Variants in ASPM observed in about 807,000 individuals in gnomAD.
ASPM encodes the protein abnormal spindle-like microcephaly-associated protein.
A neutral mutation model predicts 366.4 loss-of-function variants in ASPM; 256 were observed. The observed-to-expected ratio is 0.70, with a 90% CI of 0.63 to 0.77. The LOEUF (loss-of-function observed/expected upper bound fraction) is 0.77, where lower values mean the gene tolerates loss of function less well. Ranked by LOEUF, ASPM falls within the 30% of genes least tolerant of loss-of-function variation. The pLI, the probability that ASPM is intolerant of heterozygous loss-of-function variation, is 0.00. For synonymous variants in ASPM, 1,414 were observed against 1,342.9 expected (o/e 1.05, Z -1.16); for missense variants, 4,146 against 4,090.4 (o/e 1.01, Z -0.37).
chr1:197,094,101 G>T lies in ASPM; in HGVS notation c.9067C>A (p.His3023Asn). 1 of 1,593,990 alleles carries T rather than the reference G, an allele frequency of 6.3e-7. No individual in the cohort carries two copies. The highest frequency in any genetic ancestry group is 8.6e-7 in the Non-Finnish European group (1 of 1,164,794). Residue 3023 changes from histidine to asparagine, a missense_variant, in exon 20 of 28, where the codon CAC (histidine) becomes AAC (asparagine). Physicochemically the swap from His to Asn is moderately conservative, Grantham distance 68 (BLOSUM62 1). This residue lies in a region of ASPM where 3,624 missense variants were observed against 3,591.7 expected (regional missense o/e 1.01). Transcript: ENST00000367409. Reference sequence around the variant, plus strand: ...ATACCTACTTTTATCATTAAGAAGTGTTCATGAGCTATCTTTGCAGGAAGT... The same window carrying T: ...ATACCTACTTTTATCATTAAGAAGTTTTCATGAGCTATCTTTGCAGGAAGT... ...AILPAKIAHE[H>N]FLMIKRHRAA...
In ASPM at chr1:197,114,444, C is replaced by T. The variant is rs376000063; in HGVS notation, c.4065+3345G>A. 3.0e-4 allele frequency among the ~76,000 whole-genome samples: 46 copies of T among 152,294 alleles called. No individual in the cohort carries two copies. The East Asian group carries it at 7.7e-3, about 26-fold the overall frequency. On this transcript the variant is annotated intron_variant, in intron 17 of 27. Coordinates refer to ENST00000367409, the MANE Select transcript of ASPM (RefSeq NM_018136.5). ...GACTCCTTATTCAGAAAAGATTGCT[C>T]CATAGCATACAATGCCACTTATTAG...
At chr1:197,130,561 T>C (rs1658226285) in intron 7 of ASPM, among the ~76,000 whole-genome samples, 1 of 152,196 alleles carries the variant, frequency 6.6e-6, no homozygotes. Flanking sequence ...TATTAATAAT[T>C]TTTAAAGCAA....
At chr1:197,141,903 G>A (rs1370606732) in intron 3 of ASPM, among the ~76,000 whole-genome samples, 2 of 152,104 alleles carry the variant, frequency 1.3e-5, no homozygotes, top group East Asian at 3.9e-4. Context: ...CTCTCACATA[G>A]GCTCATAAAT....
chr1:197,139,221 C>T (rs1243042025), intron 4 of ASPM: 8 of 929,944 alleles, frequency 8.6e-6, no homozygotes, highest in Admixed American at 1.7e-5. Context: ...TTGGAAAACT[C>T]CCCAAGGCTA....
intron 18 of ASPM, among the ~76,000 whole-genome samples, chr1:197,097,471 T>A (rs1253128856): frequency 6.6e-6 from 1 of 151,710 alleles, no homozygotes; most frequent in Non-Finnish European, 1.5e-5. Context: ...TCGGTCTCTC[T>A]GATTCCTTAA....
chr1:197,143,354 G>C lies in ASPM; in HGVS notation c.898C>G (p.Pro300Ala), dbSNP rs200453432. 15 of 1,613,764 alleles carry C rather than the reference G, an allele frequency of 9.3e-6. No individual in the cohort carries two copies. The highest frequency in any genetic ancestry group is 1.1e-5 in the Non-Finnish European group (13 of 1,179,796). ...ATGTTCAAAGTTGAAGAACAGTTGG[G>C]GGTAAGACTAAGTTTACTATTCTCT... ...RGENSKLSLT[P>A]NCSSTLNITQ... Residue 300 changes from proline to alanine, a missense_variant, in exon 3 of 28, where the codon CCC becomes GCC. Physicochemically the swap from Pro to Ala is conservative, Grantham distance 27. Transcript: ENST00000367409.
In ASPM at chr1:197,103,177, A is replaced by T. The variant is rs1657258756; in HGVS notation, c.6074T>A (p.Val2025Glu). The T allele has an allele frequency of 6.2e-7, 1 of 1,612,544 alleles. No individual in the cohort carries two copies. Among genetic ancestry groups the T allele is most frequent in the Non-Finnish European group, 8.5e-7 (1 of 1,179,366 alleles). The change falls in exon 18 of 28, where the codon GTA (valine) becomes GAA (glutamate). Residue 2025 changes from valine to glutamate, a missense_variant. Around this residue, in one of 3 missense-constraint regions of ASPM, gnomAD observed 3,624 missense variants for 3,591.7 expected, o/e 1.01. Transcript: ENST00000367409. Reference protein sequence around the residue: ...HLYLKTKAAVVTLQSAYRGMK... With the variant: ...HLYLKTKAAVETLQSAYRGMK... Reference sequence around the variant, plus strand: ...ACCACGATAAGCTGACTGTAAAGTTACTACAGCTGCTTTTGTTTTCAAATA... The same window carrying T: ...ACCACGATAAGCTGACTGTAAAGTTTCTACAGCTGCTTTTGTTTTCAAATA...
Position 197,104,594 on chromosome 1 carries a change from C to A in ASPM, c.4657G>T (p.Ala1553Ser), listed in dbSNP as rs1324986815. ...CTAATTTGTCTACATAAATTATGAG[C>A]TTTCAGTCTCCTAAAAGCAGCTTGT... ...QLQAAFRRLKAHNLCRQIRAA... is the reference protein window; with the variant it reads ...QLQAAFRRLKSHNLCRQIRAA... The change falls in exon 18 of 28, where the codon GCT (alanine) becomes TCT (serine). Residue 1553 changes from alanine to serine, a missense_variant. Ala to Ser is a moderately conservative substitution (Grantham distance 99). This residue lies in a region of ASPM where 3,624 missense variants were observed against 3,591.7 expected (regional missense o/e 1.01). Transcript: ENST00000367409. 1.2e-6 allele frequency: 2 copies of A among 1,612,898 alleles called. No individual in the cohort carries two copies. Among genetic ancestry groups the A allele is most frequent in the Admixed American group, 1.7e-5 (1 of 59,768 alleles).
Position 197,084,258 on chromosome 1 carries a change from C to A in ASPM, c.*66G>T. On this transcript the variant is annotated 3_prime_UTR_variant, in exon 28 of 28. Transcript: ENST00000367409. ...AGTTGTACACGGAGAGCAAAAATCA[C>A]TTTACGTACTCATGATTGGCTTTAA... 8.1e-7 allele frequency: 1 copy of A among 1,229,246 alleles called. No individual in the cohort carries two copies. The highest frequency in any genetic ancestry group is 1.5e-5 in the African/African-American group (1 of 67,208). 76.1% of individuals were successfully genotyped at this position (1,229,246 alleles called of 1,614,324 possible). A position where few individuals can be genotyped will look rare whatever the true frequency, so the allele number is the denominator to read the frequency against.
intron 8 of ASPM, 68 bp downstream of exon 8, chr1:197,129,847 C>T (rs1658208304): frequency 8.4e-6 from 13 of 1,553,492 alleles, no homozygotes; most frequent in Non-Finnish European, 1.2e-5. Flanking sequence ...TAAACAGAAA[C>T]AGGAAGAATG....
chr1:197,138,336 C>T (rs1658481913), intron 4 of ASPM, among the ~76,000 whole-genome samples: 1 of 152,146 alleles, frequency 6.6e-6, no homozygotes, highest in Admixed American at 6.5e-5. Flanking sequence ...GAGTCCCGCC[C>T]TTGTCGCCCA....
In ASPM at chr1:197,142,607, C is replaced by A. The variant is rs1557965132; in HGVS notation, c.1645G>T (p.Asp549Tyr). The change falls in exon 3 of 28, where the codon GAT (aspartate) becomes TAT (tyrosine). Residue 549 changes from aspartate (D) to tyrosine (Y), a missense_variant. Asp to Tyr is a radical substitution (Grantham distance 160). Transcript: ENST00000367409. ...EDFHSYLPIIDPILSKSKSYK... is the reference protein window; with the variant it reads ...EDFHSYLPIIYPILSKSKSYK... ...CTCTTAGATTTACTTAATATTGGAT[C>A]TATAATTGGAAGATAAGAATGAAAA... 6.2e-7 allele frequency: 1 copy of A among 1,612,730 alleles called. No homozygotes were observed. Among genetic ancestry groups the A allele is most frequent in the Non-Finnish European group, 8.5e-7 (1 of 1,178,974 alleles).
At chr1:197,137,354 C>A (rs1347560080) in intron 4 of ASPM, among the ~76,000 whole-genome samples, 1 of 152,156 alleles carries the variant, frequency 6.6e-6, no homozygotes, top group Non-Finnish European at 1.5e-5. Context: ...CTTAAGTGAA[C>A]AAAGCAAAGA....
intron 21 of ASPM, 59 bp from the exon 22 acceptor site, chr1:197,092,115 GTTTT>G: frequency 6.6e-7 from 1 of 1,505,562 alleles, no homozygotes; most frequent in Non-Finnish European, 9.2e-7. Context: ...ATCAATGAGT[GTTTT>G]TTTTTGTATA....
In ASPM at chr1:197,146,357, G is replaced by T. The variant is rs369801034; in HGVS notation, c.81C>A (p.Pro27=). ...ERRPPAGLRG[P]AAEEEASSPP... ...GGGAAGACGCCTCCTCCTCGGCCGC[G>T]GGGCCCCGCAGCCCCGCGGGCGGCC... Residue 27 remains proline (P), a synonymous_variant, in exon 1 of 28, where the codon CCC becomes CCA. Transcript: ENST00000367409. The T allele has an allele frequency of 2.4e-4, 389 of 1,610,884 alleles. No individual in the cohort carries two copies. The highest frequency in any genetic ancestry group is 3.0e-4 in the Non-Finnish European group (350 of 1,179,474).
chr1:197,109,786 AG>A (rs1327692157), intron 17 of ASPM, among the ~76,000 whole-genome samples: 2 of 152,058 alleles, frequency 1.3e-5, no homozygotes, highest in African/African-American at 4.8e-5. Context: ...TATATGTTAA[AG>A]GGTTAACATA....
chr1:197,142,066 T>C (rs185581376), intron 3 of ASPM, among the ~76,000 whole-genome samples: 253 of 152,238 alleles, frequency 1.7e-3, no homozygotes, highest in Non-Finnish European at 2.6e-3. Context: ...TTATTGTACA[T>C]CTTGTAGGAG....
Position 197,146,287 on chromosome 1 carries a change from A to G in ASPM, c.151T>C (p.Cys51Arg). 6.2e-7 allele frequency: 1 copy of G among 1,614,050 alleles called. No individual in the cohort carries two copies. Among genetic ancestry groups the G allele is most frequent in the Non-Finnish European group, 8.5e-7 (1 of 1,180,008 alleles). ...LSHFCRSPFL[C>R]FGDVLLGASR... ...GCTCCCAGGAGAACGTCCCCGAAGCAAAGGAAAGGAGACCTGCAGAAGTGG... is the reference window on the plus strand; with the variant it reads ...GCTCCCAGGAGAACGTCCCCGAAGCGAAGGAAAGGAGACCTGCAGAAGTGG... Residue 51 changes from cysteine to arginine, a missense_variant, in exon 1 of 28, where the codon TGC (cysteine) becomes CGC (arginine). Cys to Arg is a radical substitution (Grantham distance 180). Around this residue, in one of 3 missense-constraint regions of ASPM, gnomAD observed 512 missense variants for 471.7 expected, o/e 1.09. Coordinates refer to ENST00000367409, the MANE Select transcript of ASPM (RefSeq NM_018136.5).
At position 197,142,846 on chromosome 1, in the gene ASPM, T is replaced by C. The variant is rs1206776639; in HGVS notation, c.1406A>G (p.Asn469Ser). ...SNYYSFIKQNNPKFSAVQDIS... is the reference protein window; with the variant it reads ...SNYYSFIKQNSPKFSAVQDIS... ...ATCCTGAACTGCAGAAAATTTAGGA[T>C]TATTTTGTTTTATAAAACTGTAGTA... The change falls in exon 3 of 28, where the codon AAT becomes AGT. Residue 469 changes from asparagine to serine, a missense_variant. By Grantham distance (46) the Asn-to-Ser change is conservative. This residue lies in a region of ASPM where 3,624 missense variants were observed against 3,591.7 expected (regional missense o/e 1.01). Transcript: ENST00000367409. 3 of 1,613,394 alleles carry C rather than the reference T, an allele frequency of 1.9e-6. No individual in the cohort carries two copies. Among genetic ancestry groups the C allele is most frequent in the Non-Finnish European group, 2.5e-6 (3 of 1,179,396 alleles).
Sources: allele counts gnomAD v4.1 joint callset (sites outside exome capture counted in the v4.1 genomes callset), GRCh38; gene constraint gnomAD v4.1.1; regional missense constraint gnomAD v4.1.1; transcripts MANE v1.5; gene names NCBI Gene and HGNC (gene_info 2026-07-23, HGNC 2026-07-21).